CNOT2: variants seen among roughly 807,000 people sequenced by gnomAD.
CNOT2 encodes CCR4-NOT transcription complex subunit 2, also known as CC chemokine receptor 4-negative regulator of transcription 2.
Under a neutral mutation model 72.1 loss-of-function variants are expected in CNOT2, and 7 were observed. The ratio of observed to expected loss-of-function variants is 0.10; its 90% CI spans 0.06 to 0.18. The LOEUF is 0.18. Ranked by LOEUF, CNOT2 falls within the 10% of genes least tolerant of loss-of-function variation. The pLI is 1.00. For synonymous variants in CNOT2, 196 were observed against 225.6 expected (o/e 0.87, Z 1.17); for missense variants, 345 against 660.3 (o/e 0.52, Z 5.23).
At chr12:70,337,579 C>T (rs757721881) in intron 9 of CNOT2, 66 bp downstream of exon 9, 22 of 1,430,666 alleles carry the variant, frequency 1.5e-5, no homozygotes, top group Non-Finnish European at 2.1e-5. Context: ...CTTATATTAA[C>T]AATTACTTAC....
chr12:70,346,998 T>TACATGTGGAGAGAATATATTCTCTCC (rs1882259202), intron 15 of CNOT2, among the ~76,000 whole-genome samples: 1 of 152,126 alleles, frequency 6.6e-6, no homozygotes, highest in Non-Finnish European at 1.5e-5. Context: ...TATTATTCTC[T>TACATGTGGAGAGAATATATTCTCTCC]ACATGTGGAG....
rs763867290 is a variant in CNOT2 at position 70,330,329 on chromosome 12, C to T, written c.429C>T (p.Ser143=). 6.2e-7 allele frequency: 1 copy of T among 1,609,594 alleles called. No homozygotes were observed. Among genetic ancestry groups the T allele is most frequent in the South Asian group, 1.1e-5 (1 of 90,812 alleles). Residue 143 remains serine, a synonymous_variant, in exon 6 of 16, where the codon TCC becomes TCT. Coordinates refer to ENST00000229195, the MANE Select transcript of CNOT2 (RefSeq NM_014515.7). ...PMNPRNMMNH[S]QVGQGIGIPS... ...ATCCTAGGAATATGATGAACCACTC[C>T]CAGGTTGGTCAGGGCATTGGAATTC...
At chr12:70,249,647 A>G (rs932253986) in intron 1 of CNOT2, among the ~76,000 whole-genome samples, 3 of 152,076 alleles carry the variant, frequency 2.0e-5, no homozygotes, top group Non-Finnish European at 4.4e-5. Context: ...AATCAAATTG[A>G]TGCAGAAGTT....
At chr12:70,259,159 A>G (rs1958612725) in intron 1 of CNOT2, among the ~76,000 whole-genome samples, 1 of 152,174 alleles carries the variant, frequency 6.6e-6, no homozygotes, top group Non-Finnish European at 1.5e-5. Flanking sequence ...CTAGCCAGTA[A>G]GATCCAGAGT....
intron 4 of CNOT2, among the ~76,000 whole-genome samples, chr12:70,324,647 T>A (rs947423521): frequency 6.6e-6 from 1 of 151,864 alleles, no homozygotes; most frequent in Non-Finnish European, 1.5e-5. Flanking sequence ...GTGGCACTCC[T>A]CTAAAGATCC....
intron 5 of CNOT2, 35 bp downstream of exon 5, chr12:70,329,605 G>C (rs1879623187): frequency 7.3e-6 from 11 of 1,512,228 alleles, no homozygotes; most frequent in Non-Finnish European, 1.0e-5. Context: ...TTTTCAAAAT[G>C]TATCTTGGTA....
chr12:70,346,435 T>C, intron 15 of CNOT2, 111 bp downstream of exon 15: 1 of 820,790 alleles, frequency 1.2e-6, no homozygotes, highest in South Asian at 1.9e-5. Context: ...GTGCCACATA[T>C]TTGCCAACTG....
chr12:70,285,865 A>G (rs1416994736), intron 2 of CNOT2, among the ~76,000 whole-genome samples: 1 of 152,072 alleles, frequency 6.6e-6, no homozygotes, highest in Non-Finnish European at 1.5e-5. Flanking sequence ...CCAGTTTGAA[A>G]TTGGGAGAGA....
chr12:70,313,513 G>T (rs1389415289), intron 3 of CNOT2, among the ~76,000 whole-genome samples: 1 of 151,900 alleles, frequency 6.6e-6, no homozygotes, highest in African/African-American at 2.4e-5. Context: ...TTAGAAATGT[G>T]TTTTGGTTTA....
At chr12:70,305,882 T>G (rs1337614641) in intron 2 of CNOT2, among the ~76,000 whole-genome samples, 8 of 148,860 alleles carry the variant, frequency 5.4e-5, no homozygotes, top group African/African-American at 2.0e-4. Context: ...TGTTTTTTTT[T>G]TTTTTTTTTT....
chr12:70,257,006 T>G (rs569367520), intron 1 of CNOT2, among the ~76,000 whole-genome samples: 1 of 152,326 alleles, frequency 6.6e-6, no homozygotes, highest in East Asian at 1.9e-4. Context: ...ATAACTGATT[T>G]AATGATTGTG....
intron 1 of CNOT2, among the ~76,000 whole-genome samples, chr12:70,264,588 G>A (rs893207103): frequency 6.6e-6 from 1 of 152,290 alleles, no homozygotes; most frequent in Admixed American, 6.5e-5. Flanking sequence ...GTTTACGGTA[G>A]AGCCTCTGCC....
At chr12:70,271,295 T>C (rs1373189156) in intron 1 of CNOT2, among the ~76,000 whole-genome samples, 2 of 152,066 alleles carry the variant, frequency 1.3e-5, no homozygotes, top group South Asian at 2.1e-4. Flanking sequence ...CTAGCCAGGA[T>C]TGGTTTAAAT....
At chr12:70,301,853 A>G (rs1373461213) in intron 2 of CNOT2, 1 of 151,818 alleles carries the variant, frequency 6.6e-6, no homozygotes, top group Non-Finnish European at 1.5e-5. Flanking sequence ...CTGGTCCTGG[A>G]TTTTTTTGGT....
At chr12:70,324,455 A>G (rs1177130608) in intron 4 of CNOT2, among the ~76,000 whole-genome samples, 3 of 151,820 alleles carry the variant, frequency 2.0e-5, no homozygotes, top group Admixed American at 1.3e-4. Flanking sequence ...TACATTTTGT[A>G]GATAGAGCTA....
At chr12:70,338,943 G>T in intron 11 of CNOT2, 121 bp downstream of exon 11, 12 of 793,008 alleles carry the variant, frequency 1.5e-5, no homozygotes, top group South Asian at 5.8e-5. Flanking sequence ...TGATTCTCTG[G>T]GTCATTCCCA....
chr12:70,270,565 T>C lies in CNOT2; in HGVS notation c.-95-7567T>C, dbSNP rs754697220. Reference sequence around the variant, plus strand: ...TTTATAGGGCTTTTTAGTTGCCTTCTTCCTCCTCATAGGAAAATATCCATT... The same window carrying C: ...TTTATAGGGCTTTTTAGTTGCCTTCCTCCTCCTCATAGGAAAATATCCATT... On this transcript the variant is annotated intron_variant, in intron 1 of 15. Transcript: ENST00000229195. 8.5e-5 allele frequency among the ~76,000 whole-genome samples: 13 copies of C among 152,152 alleles called. 1 individual carries two copies. Among genetic ancestry groups the C allele is most frequent in the South Asian group, 4.1e-4 (2 of 4,828 alleles).
chr12:70,316,914 A>C (rs1877434342), intron 3 of CNOT2, among the ~76,000 whole-genome samples: 1 of 152,144 alleles, frequency 6.6e-6, no homozygotes, highest in Admixed American at 6.6e-5. Flanking sequence ...TGTTGTCTGG[A>C]GTTAACTATT....
chr12:70,255,850 A>G (rs2870882), intron 1 of CNOT2, among the ~76,000 whole-genome samples: 82,867 of 151,970 alleles, frequency 0.55, 23,012 homozygotes, highest in East Asian at 0.71. Context: ...AAACTTATTT[A>G]TAAAACATAT....
Sources: allele counts gnomAD v4.1 joint callset (sites outside exome capture counted in the v4.1 genomes callset), GRCh38; gene constraint gnomAD v4.1.1; transcripts MANE v1.5; gene names NCBI Gene and HGNC (gene_info 2026-07-23, HGNC 2026-07-21).